EBF3: variants seen among roughly 807,000 people sequenced by gnomAD.
The protein encoded by EBF3 is EBF transcription factor 3, also known as transcription factor COE3.
A neutral mutation model predicts 77.1 loss-of-function variants in EBF3; 18 were observed. The observed-to-expected ratio is 0.23, with a 90% CI of 0.16 to 0.35. EBF3 has a LOEUF of 0.35. Ranked by LOEUF, EBF3 falls within the 10% of genes least tolerant of loss-of-function variation. The pLI, the probability that EBF3 is intolerant of heterozygous loss-of-function variation, is 1.00. For synonymous variants in EBF3, 350 were observed against 343.5 expected (o/e 1.02, Z -0.21); for missense variants, 558 against 860.0 (o/e 0.65, Z 4.39).
At chr10:129,893,407 A>G (rs1854154024) in intron 6 of EBF3, among the ~76,000 whole-genome samples, 1 of 152,234 alleles carries the variant, frequency 6.6e-6, no homozygotes, top group Non-Finnish European at 1.5e-5. Context: ...TTTAATATGC[A>G]AATTTTGTAA....
intron 6 of EBF3, among the ~76,000 whole-genome samples, chr10:129,949,220 G>A (rs1027514992): frequency 6.6e-6 from 1 of 152,242 alleles, no homozygotes; most frequent in South Asian, 2.1e-4. Context: ...AGAATCACTT[G>A]AACCCGGGAA....
rs10764920 is a variant in EBF3, at chr10:129,930,177, T to A, written c.554+27081A>T. ...CGCCCTCAGATTGAGGATTACACCA[T>A]CAACTTCTACAGTTCTGAGGCCTTC... On this transcript the variant is annotated intron_variant, in intron 6 of 16. Transcript: ENST00000440978. Among the ~76,000 whole-genome samples, 186 of 152,128 alleles carry A rather than the reference T, an allele frequency of 1.2e-3. 1 individual carries two copies. Among genetic ancestry groups the A allele is most frequent in the African/African-American group, 4.1e-3 (170 of 41,454 alleles).
At position 129,963,085 on chromosome 10, in the gene EBF3, G is replaced by A. The variant is rs537186154; in HGVS notation, c.292-80C>T. ...CCACGCTCGGTCCCCCTCCGCGACC[G>A]AGGCTCTCGGCCTCACACATGGCAG... On this transcript the variant is annotated intron_variant, in intron 2 of 16. Coordinates refer to ENST00000440978, the MANE Select transcript of EBF3 (RefSeq NM_001375380.1). This position sits in a 1 kb window ranked among gnomAD's most constrained non-coding sequence, Gnocchi z 7.1. The A allele has an allele frequency of 1.2e-3, 1,789 of 1,546,640 alleles. 1 individual carries two copies. Among genetic ancestry groups the A allele is most frequent in the Non-Finnish European group, 1.4e-3 (1,621 of 1,119,220 alleles).
intron 6 of EBF3, among the ~76,000 whole-genome samples, chr10:129,911,430 C>T (rs1258142002): frequency 1.3e-5 from 2 of 152,202 alleles, no homozygotes; most frequent in Non-Finnish European, 2.9e-5. Context: ...TCCTGCTCCA[C>T]CTCCCTCTGC....
At chr10:129,962,301 A>G in intron 3 of EBF3, 75 bp from the exon 4 acceptor site, 1 of 1,436,068 alleles carries the variant, frequency 7.0e-7, no homozygotes, top group East Asian at 2.3e-5. Flanking sequence ...GAGCACAGGA[A>G]GTCTGTAACT....
chr10:129,891,954 C>G (rs1020492545), intron 6 of EBF3, among the ~76,000 whole-genome samples: 1 of 152,228 alleles, frequency 6.6e-6, no homozygotes, highest in African/African-American at 2.4e-5. Flanking sequence ...TGGCTAAACC[C>G]GTCCCAATCT....
At chr10:129,845,696 G>T (rs1349450542) in intron 11 of EBF3, 1 of 152,020 alleles carries the variant, frequency 6.6e-6, no homozygotes, top group Non-Finnish European at 1.5e-5. Flanking sequence ...AAAAGAAGAT[G>T]AATTTTAATG....
Position 129,963,747 on chromosome 10 carries a change from T to C in EBF3, c.22A>G (p.Ile8Val). The change falls in exon 1 of 17, where the codon ATT (isoleucine) becomes GTT (valine). Residue 8 changes from isoleucine to valine, a missense_variant. Transcript: ENST00000440978. This position sits in a 1 kb window ranked among gnomAD's most constrained non-coding sequence, Gnocchi z 7.1. ...TTCATGGTCGTCCCCCCGCGCGGAA[T>C]ATTCTCCTGAATCCCAAACATGAAA... MFGIQEN[I>V]PRGGTTMKEE... 1 of 1,527,374 alleles carries C rather than the reference T, an allele frequency of 6.5e-7. No individual in the cohort carries two copies. Among genetic ancestry groups the C allele is most frequent in the Non-Finnish European group, 8.9e-7 (1 of 1,129,058 alleles). 94.6% of individuals were successfully genotyped at this position (1,527,374 alleles called of 1,614,324 possible).
chr10:129,910,055 T>C (rs1855417615), intron 6 of EBF3, among the ~76,000 whole-genome samples: 1 of 152,286 alleles, frequency 6.6e-6, no homozygotes, highest in Middle Eastern at 3.4e-3. Flanking sequence ...GAGAGGAGGC[T>C]GGCACTGCAG....
chr10:129,890,191 G>A (rs548758750), intron 6 of EBF3, among the ~76,000 whole-genome samples: 1 of 152,212 alleles, frequency 6.6e-6, no homozygotes, highest in South Asian at 2.1e-4. Context: ...AATGCGAGTG[G>A]TGTCATCTTG....
intron 11 of EBF3, among the ~76,000 whole-genome samples, chr10:129,844,320 GGCAGGTGGCCTTC>G (rs965435688): frequency 6.6e-6 from 1 of 152,228 alleles, no homozygotes; most frequent in African/African-American, 2.4e-5. Flanking sequence ...CAAAAAGTAA[GGCAGGTGGCCTTC>G]GCTCCTGGGC....
chr10:129,898,456 G>T (rs891148434), intron 6 of EBF3, among the ~76,000 whole-genome samples: 2 of 152,144 alleles, frequency 1.3e-5, no homozygotes, highest in African/African-American at 4.8e-5. Context: ...ATATCGGTGG[G>T]CTATTGTTAT....
chr10:129,849,898 A>G (rs1850739510), intron 10 of EBF3, among the ~76,000 whole-genome samples: 1 of 152,246 alleles, frequency 6.6e-6, no homozygotes, highest in Non-Finnish European at 1.5e-5. Flanking sequence ...TGTGATGTAA[A>G]TTCTATATGT....
chr10:129,874,819 C>A (rs1336670361), intron 7 of EBF3, among the ~76,000 whole-genome samples: 1 of 152,182 alleles, frequency 6.6e-6, no homozygotes, highest in African/African-American at 2.4e-5. Context: ...GCAAAATGAG[C>A]TTAAAAGCCA....
Position 129,947,235 on chromosome 10 carries a change from T to A in EBF3, c.554+10023A>T, listed in dbSNP as rs1858298736. Among the ~76,000 whole-genome samples, 1 of 152,214 alleles carries A rather than the reference T, an allele frequency of 6.6e-6. No individual in the cohort carries two copies. Among genetic ancestry groups the A allele is most frequent in the Admixed American group, 6.5e-5 (1 of 15,276 alleles). On this transcript the variant is annotated intron_variant, in intron 6 of 16. Transcript: ENST00000440978. The surrounding 1 kb of genome is among the most constrained non-coding windows in gnomAD (Gnocchi z 4.5). ...CCCCATCCCGGCACACTGATCTGAT[T>A]TACAAACCTTTCCTAATGGGAAACA... is the stretch of plus-strand genomic sequence containing the variant.
In EBF3 at chr10:129,879,737, A is replaced by G. The variant is rs1853061275; in HGVS notation, c.555-1888T>C. On this transcript the variant is annotated intron_variant, in intron 6 of 16. Transcript: ENST00000440978. This position sits in a 1 kb window ranked among gnomAD's most constrained non-coding sequence, Gnocchi z 4.7. ...CAATTTTTCCTAACAACCACTGTGC[A>G]ATTAAACTCCACACGTTCCGCAGCG... Among the ~76,000 whole-genome samples, 2 of 152,214 alleles carry G rather than the reference A, an allele frequency of 1.3e-5. No individual in the cohort carries two copies.
chr10:129,910,234 G>A lies in EBF3; in HGVS notation c.555-32385C>T, dbSNP rs557156844. Among the ~76,000 whole-genome samples the A allele has an allele frequency of 2.6e-5, 4 of 152,318 alleles. No homozygotes were observed. The South Asian group carries it at 8.3e-4, about 32-fold the overall frequency. On this transcript the variant is annotated intron_variant, in intron 6 of 16. Transcript: ENST00000440978. ...ATCGGAGCCTTCAATTACTTGACAT[G>A]TGTCCTGTAAGCACAGACTGTACAC... is the stretch of plus-strand genomic sequence containing the variant.
intron 6 of EBF3, among the ~76,000 whole-genome samples, chr10:129,953,044 A>AAG (rs1427429208): frequency 6.6e-6 from 1 of 151,500 alleles, no homozygotes; most frequent in Non-Finnish European, 1.5e-5. Context: ...AAAAAAAAAA[A>AAG]AAGAAGAAGA....
chr10:129,917,002 C>T (rs896895403), intron 6 of EBF3, among the ~76,000 whole-genome samples: 7 of 152,178 alleles, frequency 4.6e-5, no homozygotes, highest in Admixed American at 2.0e-4. Flanking sequence ...AAAAAGAGAT[C>T]CATTAATAAT....
Sources: allele counts gnomAD v4.1 joint callset (sites outside exome capture counted in the v4.1 genomes callset), GRCh38; gene constraint gnomAD v4.1.1; non-coding constraint Gnocchi (gnomAD v3.1); transcripts MANE v1.5; gene names NCBI Gene and HGNC (gene_info 2026-07-23, HGNC 2026-07-21).